NELL1: variants seen among roughly 807,000 people sequenced by gnomAD.
The protein encoded by NELL1 is neural EGFL like 1.
Under a neutral mutation model 107.4 loss-of-function variants are expected in NELL1, and 76 were observed. The observed-to-expected ratio is 0.71, with a 90% CI of 0.59 to 0.86. NELL1 has a LOEUF of 0.86. Ranked by LOEUF, NELL1 falls within the 40% of genes least tolerant of loss-of-function variation. NELL1 has a pLI of 0.00. For missense variants in NELL1, 1,024 were observed against 1,005.5 expected, an observed-to-expected ratio of 1.02 and a Z score of -0.25; for synonymous variants, 353 against 341.2, an observed-to-expected ratio of 1.03 and a Z score of -0.38.
At chr11:21,347,259 C>T (rs1850703023) in intron 14 of NELL1, among the ~76,000 whole-genome samples, 1 of 151,924 alleles carries the variant, frequency 6.6e-6, no homozygotes, top group South Asian at 2.1e-4. Context: ...AAGGGAACAA[C>T]AAGTGTAAAG....
chr11:21,021,012 AACACACACACACAC>A (rs56813080), intron 12 of NELL1, among the ~76,000 whole-genome samples: 1,919 of 140,300 alleles, frequency 0.014, 37 homozygotes, highest in African/African-American at 0.049. Context: ...AGAAACTTAG[AACACACACACACAC>A]ACACACACAC....
At chr11:20,861,273 T>G (rs1848973374) in intron 4 of NELL1, among the ~76,000 whole-genome samples, 3 of 152,208 alleles carry the variant, frequency 2.0e-5, no homozygotes, top group Admixed American at 6.5e-5. Context: ...TCCATAATGA[T>G]ATAGCATTGT....
At chr11:21,169,133 A>T (rs1015769813) in intron 13 of NELL1, among the ~76,000 whole-genome samples, 1 of 151,868 alleles carries the variant, frequency 6.6e-6, no homozygotes, top group Non-Finnish European at 1.5e-5. Flanking sequence ...TAATCTTGCC[A>T]GATAACTGGA....
At chr11:21,311,078 C>A (rs944959110) in intron 14 of NELL1, among the ~76,000 whole-genome samples, 2 of 152,066 alleles carry the variant, frequency 1.3e-5, no homozygotes, top group Admixed American at 6.6e-5. Flanking sequence ...ACTGGCTTCT[C>A]ATAGTGTTTA....
chr11:20,968,747 T>A (rs749692240), intron 12 of NELL1, among the ~76,000 whole-genome samples: 1 of 152,184 alleles, frequency 6.6e-6, no homozygotes, highest in Non-Finnish European at 1.5e-5. Flanking sequence ...CTCAAAACCA[T>A]GATTCAGGGA....
At chr11:21,207,630 A>G (rs375411586) in intron 13 of NELL1, among the ~76,000 whole-genome samples, 20 of 152,210 alleles carry the variant, frequency 1.3e-4, no homozygotes, top group Non-Finnish European at 2.4e-4. Flanking sequence ...AACACTCATT[A>G]TATCAATGGT....
intron 15 of NELL1, among the ~76,000 whole-genome samples, chr11:21,375,984 C>T (rs1397636192): frequency 6.6e-6 from 1 of 151,784 alleles, no homozygotes; most frequent in Admixed American, 6.6e-5. Context: ...AGATTTTCTC[C>T]CATTCTGTAG....
chr11:21,151,020 C>G (rs1856102918), intron 13 of NELL1, among the ~76,000 whole-genome samples: 1 of 152,110 alleles, frequency 6.6e-6, no homozygotes, highest in Non-Finnish European at 1.5e-5. Flanking sequence ...AGAACTCACT[C>G]ACTATCATGA....
rs745639523 is a variant in NELL1 at position 21,114,807 on chromosome 11, G to A, written c.1426+1093G>A. On this transcript the variant is annotated intron_variant, in intron 13 of 19. Transcript: ENST00000357134. ...GAGAGAGACTGCATAAACATAGTGC[G>A]CTAGGATTTCAGTGTTTTAAAGGAT... Among the ~76,000 whole-genome samples, 5 of 151,912 alleles carry A rather than the reference G, an allele frequency of 3.3e-5. No individual in the cohort carries two copies. In the South Asian group the frequency reaches 6.2e-4, roughly 19 times the overall value.
At chr11:21,545,540 A>C (rs1443633586) in intron 16 of NELL1, among the ~76,000 whole-genome samples, 1 of 152,026 alleles carries the variant, frequency 6.6e-6, no homozygotes, top group African/African-American at 2.4e-5. Flanking sequence ...TTATGGTTTT[A>C]GGGTCCTTTC....
At chr11:21,559,458 T>C (rs75094945) in intron 16 of NELL1, among the ~76,000 whole-genome samples, 10 of 152,074 alleles carry the variant, frequency 6.6e-5, no homozygotes, top group African/African-American at 2.4e-4. Flanking sequence ...AATGTCAGAA[T>C]CGGCCGACTG....
intron 12 of NELL1, among the ~76,000 whole-genome samples, chr11:20,995,569 C>G (rs1347214533): frequency 1.4e-5 from 2 of 147,726 alleles, no homozygotes; most frequent in African/African-American, 5.0e-5. Flanking sequence ...CAGAGCGAGA[C>G]TCCATTAAAA....
chr11:21,351,522 TAAA>T (rs200874666), intron 14 of NELL1, among the ~76,000 whole-genome samples: 4 of 137,636 alleles, frequency 2.9e-5, no homozygotes, highest in African/African-American at 5.4e-5. Context: ...TTATTTCCAG[TAAA>T]AAAAAAAAAA....
At chr11:21,041,431 G>T (rs1371238596) in intron 12 of NELL1, among the ~76,000 whole-genome samples, 3 of 152,130 alleles carry the variant, frequency 2.0e-5, no homozygotes, top group Admixed American at 2.0e-4. Flanking sequence ...AGAGAGTCAC[G>T]TGAAAGGTAA....
chr11:21,030,364 C>T (rs979497873), intron 12 of NELL1, among the ~76,000 whole-genome samples: 3 of 152,162 alleles, frequency 2.0e-5, no homozygotes, highest in Non-Finnish European at 4.4e-5. Context: ...GTCGTACAGA[C>T]AGCAGTTATA....
intron 12 of NELL1, among the ~76,000 whole-genome samples, chr11:21,001,674 A>G (rs139085809): frequency 1.3e-5 from 2 of 151,914 alleles, no homozygotes; most frequent in African/African-American, 4.8e-5. Context: ...CAAAATAGAG[A>G]AAATAAGAGA....
At chr11:20,797,853 A>G (rs1027988211) in intron 3 of NELL1, among the ~76,000 whole-genome samples, 3 of 152,140 alleles carry the variant, frequency 2.0e-5, no homozygotes, top group African/African-American at 4.8e-5. Context: ...TGTGTGTCAT[A>G]TGGCCAATTC....
chr11:20,748,769 T>C (rs1856061043), intron 2 of NELL1, among the ~76,000 whole-genome samples: 1 of 152,080 alleles, frequency 6.6e-6, no homozygotes, highest in African/African-American at 2.4e-5. Context: ...TAGTATTCCA[T>C]AGTATATGCG....
At chr11:20,736,116 T>C (rs1159170956) in intron 2 of NELL1, among the ~76,000 whole-genome samples, 3 of 152,172 alleles carry the variant, frequency 2.0e-5, no homozygotes, top group Admixed American at 6.5e-5. Flanking sequence ...TCTGCCTCTA[T>C]TCTTAGTGAA....
Sources: allele counts gnomAD v4.1 joint callset (sites outside exome capture counted in the v4.1 genomes callset), GRCh38; gene constraint gnomAD v4.1.1; transcripts MANE v1.5; gene names NCBI Gene and HGNC (gene_info 2026-07-23, HGNC 2026-07-21).